The following ASIC2 variants were observed in gnomAD, a reference collection of about 807,000 sequenced individuals.
The protein encoded by ASIC2 is acid-sensing ion channel 2.
A neutral mutation model predicts 57.3 loss-of-function variants in ASIC2; 25 were observed. That is an observed-to-expected ratio of 0.44 (90% CI 0.32 to 0.61). The LOEUF (loss-of-function observed/expected upper bound fraction) is 0.61. Ranked by LOEUF, ASIC2 falls within the 20% of genes least tolerant of loss-of-function variation. The pLI, the probability that ASIC2 is intolerant of heterozygous loss-of-function variation, is 0.06. For missense variants in ASIC2, 641 were observed against 738.1 expected, an observed-to-expected ratio of 0.87 and a Z score of 1.52; for synonymous variants, 319 against 307.5, an observed-to-expected ratio of 1.04 and a Z score of -0.39.
chr17:33,797,909 A>G (rs1452426291), intron 1 of ASIC2, among the ~76,000 whole-genome samples: 1 of 152,152 alleles, frequency 6.6e-6, no homozygotes, highest in Non-Finnish European at 1.5e-5. Flanking sequence ...CTCATCACTC[A>G]CAGGACTAGC....
At chr17:33,642,743 G>A (rs1410921934) in intron 1 of ASIC2, among the ~76,000 whole-genome samples, 1 of 152,138 alleles carries the variant, frequency 6.6e-6, no homozygotes, top group Non-Finnish European at 1.5e-5. Context: ...TAATTATATG[G>A]TGCTATCTGA....
intron 1 of ASIC2, among the ~76,000 whole-genome samples, chr17:33,800,223 C>T (rs1167107759): frequency 6.6e-6 from 1 of 152,156 alleles, no homozygotes; most frequent in African/African-American, 2.4e-5. Flanking sequence ...AATCTGTCAG[C>T]TTTGCCAGTC....
chr17:34,093,061 G>A (rs1037021331), intron 1 of ASIC2, among the ~76,000 whole-genome samples: 10 of 152,088 alleles, frequency 6.6e-5, no homozygotes, highest in East Asian at 1.9e-4. Context: ...CTGCTGAAAC[G>A]TTTATTATTT....
chr17:33,406,489 G>T (rs1910479959), intron 1 of ASIC2, among the ~76,000 whole-genome samples: 1 of 152,212 alleles, frequency 6.6e-6, no homozygotes, highest in Non-Finnish European at 1.5e-5. Context: ...ACAGAACACA[G>T]CACTGTGCAG....
At chr17:33,189,722 A>G (rs1667540996) in intron 1 of ASIC2, among the ~76,000 whole-genome samples, 1 of 152,192 alleles carries the variant, frequency 6.6e-6, no homozygotes, top group African/African-American at 2.4e-5. Context: ...ATAATGATAA[A>G]GAGGTCAATT....
At chr17:34,050,336 G>A (rs1263962990) in intron 1 of ASIC2, among the ~76,000 whole-genome samples, 1 of 152,162 alleles carries the variant, frequency 6.6e-6, no homozygotes, top group Non-Finnish European at 1.5e-5. Flanking sequence ...CTACTGCAGT[G>A]GAAATGCCAG....
intron 1 of ASIC2, among the ~76,000 whole-genome samples, chr17:33,272,493 C>A (rs1202268412): frequency 1.3e-5 from 2 of 152,146 alleles, no homozygotes; most frequent in East Asian, 3.9e-4. Flanking sequence ...CTTTACTGAG[C>A]ACCTATTTTT....
At chr17:33,152,314 C>T (rs145263711) in intron 1 of ASIC2, among the ~76,000 whole-genome samples, 7 of 152,148 alleles carry the variant, frequency 4.6e-5, no homozygotes, top group Non-Finnish European at 8.8e-5. Flanking sequence ...TACAAAGAGT[C>T]GAGATGCCTT....
chr17:33,516,240 C>G (rs1002286297), intron 1 of ASIC2, among the ~76,000 whole-genome samples: 1 of 152,216 alleles, frequency 6.6e-6, no homozygotes, highest in Non-Finnish European at 1.5e-5. Flanking sequence ...CACCACCACT[C>G]CCACATTGCC....
chr17:33,127,159 G>A (rs565345354), intron 1 of ASIC2, among the ~76,000 whole-genome samples: 1 of 152,196 alleles, frequency 6.6e-6, no homozygotes, highest in African/African-American at 2.4e-5. Flanking sequence ...GTGAGCCACC[G>A]CTCCCGGCCG....
intron 1 of ASIC2, among the ~76,000 whole-genome samples, chr17:33,453,353 A>G (rs1912334752): frequency 6.6e-6 from 1 of 151,638 alleles, no homozygotes; most frequent in Admixed American, 6.6e-5. Flanking sequence ...ATAATCTTTT[A>G]TACGTTGGGA....
At chr17:34,035,564 T>G (rs368409885) in intron 1 of ASIC2, among the ~76,000 whole-genome samples, 2 of 151,550 alleles carry the variant, frequency 1.3e-5, no homozygotes, top group East Asian at 1.9e-4. Flanking sequence ...CTTCTGCACA[T>G]CAAAAGAAAC....
chr17:33,429,819 C>T (rs758154647), intron 1 of ASIC2, among the ~76,000 whole-genome samples: 6 of 152,212 alleles, frequency 3.9e-5, no homozygotes, highest in Non-Finnish European at 7.3e-5. Context: ...TCCAGGGAAT[C>T]ATAAGCAACC....
At chr17:33,690,797 T>C (rs1245626180) in intron 1 of ASIC2, among the ~76,000 whole-genome samples, 10 of 136,334 alleles carry the variant, frequency 7.3e-5, no homozygotes, top group African/African-American at 1.4e-4. Flanking sequence ...TCACCCAGAC[T>C]GGAGTTCAGT....
At chr17:33,539,852 T>C (rs1915352467) in intron 1 of ASIC2, among the ~76,000 whole-genome samples, 1 of 152,156 alleles carries the variant, frequency 6.6e-6, no homozygotes, top group African/African-American at 2.4e-5. Context: ...TGCAGTGTCA[T>C]GGGAATGAGT....
At chr17:33,580,747 A>G (rs1904407462) in intron 1 of ASIC2, among the ~76,000 whole-genome samples, 1 of 152,198 alleles carries the variant, frequency 6.6e-6, no homozygotes, top group Non-Finnish European at 1.5e-5. Context: ...AGCTAATATA[A>G]GATAAGGTGG....
intron 1 of ASIC2, among the ~76,000 whole-genome samples, chr17:33,958,929 C>A (rs1316380650): frequency 1.3e-5 from 2 of 152,038 alleles, no homozygotes; most frequent in Non-Finnish European, 2.9e-5. Flanking sequence ...CACCAGGTAC[C>A]CTAAATCATC....
rs1438542003 is a variant in ASIC2, at chr17:33,762,295, A to G, written c.555+393683T>C. Among the ~76,000 whole-genome samples, 13 of 152,298 alleles carry G rather than the reference A, an allele frequency of 8.5e-5. No homozygotes were observed. In the East Asian group the frequency reaches 2.5e-3, roughly 29 times the overall value. ...AGGATTGAAAAGATATCAACCATTT[A>G]TAATATTCTCAGGGATTACAGCTCA... is the stretch of plus-strand genomic sequence containing the variant. On this transcript the variant is annotated intron_variant, in intron 1 of 9. Coordinates refer to the ASIC2 transcript ENST00000359872.
chr17:33,020,172 C>A (rs2091829367), intron 7 of ASIC2, among the ~76,000 whole-genome samples: 1 of 152,156 alleles, frequency 6.6e-6, no homozygotes, highest in Admixed American at 6.5e-5. Context: ...CTGGACACAC[C>A]AGCTGAGCCC....
Sources: gnomAD v4.1 joint callset for allele counts (sites outside exome capture counted in the v4.1 genomes callset) on GRCh38, gnomAD v4.1.1 for gene constraint, MANE v1.5 for transcripts, NCBI Gene and HGNC (gene_info 2026-07-23, HGNC 2026-07-21) for gene names.